STK40: variants seen among roughly 807,000 people sequenced by gnomAD.
STK40 encodes the protein serine/threonine-protein kinase 40.
STK40 carries 13 observed loss-of-function variants against 47.9 expected under a neutral mutation model. The ratio of observed to expected loss-of-function variants is 0.27; its 90% CI spans 0.18 to 0.43. The LOEUF (loss-of-function observed/expected upper bound fraction) is 0.43. Among genes scored for constraint, STK40 ranks in the 20% least tolerant of loss-of-function variants. The pLI, the probability that STK40 is intolerant of heterozygous loss-of-function variation, is 1.00. For missense variants in STK40, 460 were observed against 595.1 expected, an observed-to-expected ratio of 0.77 and a Z score of 2.36; for synonymous variants, 225 against 243.2, an observed-to-expected ratio of 0.93 and a Z score of 0.69.
Position 36,348,848 on chromosome 1 carries a change from G to A in STK40, c.624-33C>T, listed in dbSNP as rs551412691. On this transcript the variant is annotated intron_variant, in intron 6 of 10. Coordinates refer to ENST00000373132, the MANE Select transcript of STK40 (RefSeq NM_001282547.2). ...TGGGAGACAGAGTGAACAAACCTCAGTGTCTATAGCAACAGGCACAAGACA... is the reference window on the plus strand; with the variant it reads ...TGGGAGACAGAGTGAACAAACCTCAATGTCTATAGCAACAGGCACAAGACA... 22 of 1,553,024 alleles carry A rather than the reference G, an allele frequency of 1.4e-5. No individual in the cohort carries two copies. In the South Asian group the frequency reaches 2.5e-4, roughly 17 times the overall value.
chr1:36,379,822 A>G (rs1647025168), intron 1 of STK40, among the ~76,000 whole-genome samples: 1 of 152,114 alleles, frequency 6.6e-6, no homozygotes, highest in Non-Finnish European at 1.5e-5. Flanking sequence ...ATTCTTTAAC[A>G]ATAATAATAA....
intron 1 of STK40, among the ~76,000 whole-genome samples, chr1:36,373,426 A>G (rs1461054834): frequency 1.3e-5 from 2 of 152,136 alleles, no homozygotes; most frequent in African/African-American, 4.8e-5. Flanking sequence ...TTATTGAAAA[A>G]GCAAAGCCTA....
At chr1:36,371,339 G>A (rs1024993143) in intron 1 of STK40, among the ~76,000 whole-genome samples, 1 of 151,354 alleles carries the variant, frequency 6.6e-6, no homozygotes, top group Non-Finnish European at 1.5e-5. Flanking sequence ...TGGATCATGA[G>A]GTCAGGAGAT....
chr1:36,361,292 G>A lies in STK40; in HGVS notation c.41C>T (p.Ser14Leu), dbSNP rs201394626. The change falls in exon 2 of 11, where the codon TCG becomes TTG. Residue 14 changes from serine to leucine, a missense_variant. By Grantham distance (145) the Ser-to-Leu change is moderately radical. This residue lies in a region of STK40 where 277 missense variants were observed against 358.7 expected (regional missense o/e 0.77). Coordinates refer to ENST00000373132, the MANE Select transcript of STK40 (RefSeq NM_001282547.2). ...ACTTCCTAGAGCCTTGGCCCTGGCC[G>A]ACGTTTCCCCAGCTCCTCTGTCTGA... ...RASDRGAGET[S>L]ARAKALGSGI... 62 of 1,614,196 alleles carry A rather than the reference G, an allele frequency of 3.8e-5. No homozygotes were observed. Among genetic ancestry groups the A allele is most frequent in the South Asian group, 2.5e-4 (23 of 91,088 alleles).
At chr1:36,350,057 C>T (rs183706537) in intron 6 of STK40, among the ~76,000 whole-genome samples, 5 of 152,318 alleles carry the variant, frequency 3.3e-5, no homozygotes, top group Admixed American at 6.5e-5. Context: ...TCGGTGATCT[C>T]GGGGAATTCT....
intron 1 of STK40, among the ~76,000 whole-genome samples, chr1:36,373,002 C>G (rs975319737): frequency 6.6e-6 from 1 of 152,156 alleles, no homozygotes; most frequent in Admixed American, 6.6e-5. Flanking sequence ...CCAAGGGTTT[C>G]AAGCCATGGA....
intron 1 of STK40, among the ~76,000 whole-genome samples, chr1:36,380,295 A>T (rs1002123958): frequency 4.0e-4 from 61 of 152,164 alleles, no homozygotes; most frequent in African/African-American, 1.3e-3. Context: ...CATGTAAAAA[A>T]ATCTCCCAAA....
chr1:36,369,124 C>G (rs987692857), intron 1 of STK40, among the ~76,000 whole-genome samples: 1 of 152,180 alleles, frequency 6.6e-6, no homozygotes, highest in African/African-American at 2.4e-5. Flanking sequence ...TCTTTTATGG[C>G]CCCCTCTCTT....
At chr1:36,385,310 T>C (rs1231072041) in intron 1 of STK40, among the ~76,000 whole-genome samples, 1 of 151,862 alleles carries the variant, frequency 6.6e-6, no homozygotes, top group East Asian at 1.9e-4. Flanking sequence ...GAGGAAGCCC[T>C]GGCTGGCCCT....
intron 1 of STK40, among the ~76,000 whole-genome samples, chr1:36,376,802 A>ATT (rs775004601): frequency 4.1e-5 from 6 of 144,820 alleles, no homozygotes; most frequent in Admixed American, 7.0e-5. Context: ...TCTAGAAGAA[A>ATT]TTTTTTTTTT....
Position 36,355,072 on chromosome 1 carries a change from A to G in STK40, c.570+134T>C, listed in dbSNP as rs907943420. On this transcript the variant is annotated intron_variant, in intron 5 of 10. Transcript: ENST00000373132. Reference sequence around the variant, plus strand: ...GCCTCACCCTGTGCACCTGCCATTCAGTCACTCTTCTTTTGGACACTCCCA... The same window carrying G: ...GCCTCACCCTGTGCACCTGCCATTCGGTCACTCTTCTTTTGGACACTCCCA... 1.3e-5 allele frequency: 12 copies of G among 899,094 alleles called. No homozygotes were observed. The African/African-American group carries it at 1.6e-4, about 12-fold the overall frequency. The allele number at this position is 899,094 out of a possible 1,614,324, so 55.7% of individuals were successfully genotyped here. A position where few individuals can be genotyped will look rare whatever the true frequency, so the allele number is the denominator to read the frequency against.
At chr1:36,369,992 C>T (rs1481015849) in intron 1 of STK40, among the ~76,000 whole-genome samples, 1 of 152,226 alleles carries the variant, frequency 6.6e-6, no homozygotes, top group Non-Finnish European at 1.5e-5. Flanking sequence ...GAAGAAAGTA[C>T]AGATGGTCAG....
Position 36,343,889 on chromosome 1 carries a change from C to G in STK40, c.975G>C (p.Leu325=). 5 of 1,605,534 alleles carry G rather than the reference C, an allele frequency of 3.1e-6. No individual in the cohort carries two copies. Among genetic ancestry groups the G allele is most frequent in the Non-Finnish European group, 4.3e-6 (5 of 1,173,842 alleles). The part of the protein sequence containing the change: ...PQQRLAAADV[L]EALSAIIASW... ...ATGCAATGATGGCACTGAGGGCCTCCAGGACGTCGGCGGCGGCCAGGCGCT... is the reference window on the plus strand; with the variant it reads ...ATGCAATGATGGCACTGAGGGCCTCGAGGACGTCGGCGGCGGCCAGGCGCT... The change falls in exon 9 of 11, where the codon CTG becomes CTC. Residue 325 remains leucine (L), a synonymous_variant. Coordinates refer to ENST00000373132, the MANE Select transcript of STK40 (RefSeq NM_001282547.2).
At chr1:36,364,730 G>A (rs965717476) in intron 1 of STK40, among the ~76,000 whole-genome samples, 3 of 151,838 alleles carry the variant, frequency 2.0e-5, no homozygotes, top group East Asian at 1.9e-4. Flanking sequence ...AGGCTGAGGC[G>A]GGAGGATTGC....
intron 10 of STK40, chr1:36,342,499 C>T (rs1019341695): frequency 5.9e-6 from 1 of 169,250 alleles, no homozygotes; most frequent in South Asian, 1.4e-4. Flanking sequence ...GGGTTCAAGG[C>T]TTAGCTCCAC....
At chr1:36,343,795 T>C (rs1194757939) in intron 9 of STK40, 65 bp downstream of exon 9, 2 of 1,513,910 alleles carry the variant, frequency 1.3e-6, no homozygotes, top group Non-Finnish European at 1.8e-6. Context: ...GCTGCTTTTC[T>C]GGGTAGGATG....
chr1:36,369,229 C>T (rs1646925395), intron 1 of STK40, among the ~76,000 whole-genome samples: 2 of 152,210 alleles, frequency 1.3e-5, no homozygotes, highest in South Asian at 4.1e-4. Context: ...TGTAGTGCAG[C>T]TTCACAGGGT....
chr1:36,378,932 G>C (rs1196520721), intron 1 of STK40, among the ~76,000 whole-genome samples: 1 of 152,134 alleles, frequency 6.6e-6, no homozygotes, highest in Non-Finnish European at 1.5e-5. Flanking sequence ...CCAGCAACAG[G>C]ATTCCAAAAG....
At chr1:36,348,611 C>T in intron 7 of STK40, 89 bp downstream of exon 7, 2 of 1,256,112 alleles carry the variant, frequency 1.6e-6, no homozygotes, top group South Asian at 2.6e-5. Flanking sequence ...GCACCTTGCC[C>T]AGGGCCTGCC....
Sources: allele counts gnomAD v4.1 joint callset (sites outside exome capture counted in the v4.1 genomes callset), GRCh38; gene constraint gnomAD v4.1.1; regional missense constraint gnomAD v4.1.1; transcripts MANE v1.5; gene names NCBI Gene and HGNC (gene_info 2026-07-23, HGNC 2026-07-21).